CUL4A: variants seen among roughly 807,000 people sequenced by gnomAD.
CUL4A encodes the protein cullin-4A.
A neutral mutation model predicts 95.5 loss-of-function variants in CUL4A; 16 were observed. That is an observed-to-expected ratio of 0.17 (90% CI 0.11 to 0.25). The LOEUF is 0.25. Ranked by LOEUF, CUL4A falls within the 10% of genes least tolerant of loss-of-function variation. The pLI is 1.00. For synonymous variants in CUL4A, 380 were observed against 353.1 expected (o/e 1.08, Z -0.85); for missense variants, 610 against 937.0 (o/e 0.65, Z 4.56).
At chr13:113,237,430 G>A (rs1050408538) in intron 9 of CUL4A, among the ~76,000 whole-genome samples, 1 of 152,206 alleles carries the variant, frequency 6.6e-6, no homozygotes, top group African/African-American at 2.4e-5. Context: ...CGGCCTTCAC[G>A]TCCGCTTCTC....
At chr13:113,221,552 T>G (rs1215157323) in intron 3 of CUL4A, among the ~76,000 whole-genome samples, 1 of 151,950 alleles carries the variant, frequency 6.6e-6, no homozygotes, top group Non-Finnish European at 1.5e-5. Flanking sequence ...TGATAAGGGT[T>G]TTTTTTGTTT....
At chr13:113,256,994 C>T (rs117559994) in intron 18 of CUL4A, among the ~76,000 whole-genome samples, 1,514 of 119,618 alleles carry the variant, frequency 0.013, 11 homozygotes, top group Non-Finnish European at 0.015. Context: ...GGTACAATCT[C>T]GCTCACTGCA....
upstream of CUL4A, chr13:113,208,902 G>A: frequency 7.2e-7 from 1 of 1,382,192 alleles, no homozygotes; most frequent in East Asian, 2.9e-5. Context: ...GAGGGGTTTG[G>A]GGTCCAGTGG....
At chr13:113,221,983 A>G (rs976516259) in intron 3 of CUL4A, among the ~76,000 whole-genome samples, 2 of 152,232 alleles carry the variant, frequency 1.3e-5, no homozygotes, top group Admixed American at 6.5e-5. Flanking sequence ...TGTCTGGGCC[A>G]TGTCCTAAAG....
At chr13:113,240,312 A>C (rs1359965089) in intron 10 of CUL4A, among the ~76,000 whole-genome samples, 1 of 152,198 alleles carries the variant, frequency 6.6e-6, no homozygotes, top group African/African-American at 2.4e-5. Context: ...CTCACCACAA[A>C]GAATCACCTG....
chr13:113,208,501 C>A (rs2040124718), upstream of CUL4A: 9 of 1,547,938 alleles, frequency 5.8e-6, no homozygotes, highest in Admixed American at 9.7e-5. Flanking sequence ...GGTGGCGAGG[C>A]GGGAAAGGAA....
intron 2 of CUL4A, among the ~76,000 whole-genome samples, chr13:113,217,313 G>A (rs2040730295): frequency 1.3e-5 from 2 of 152,124 alleles, no homozygotes; most frequent in Non-Finnish European, 2.9e-5. Flanking sequence ...ATGAAGATAT[G>A]GAATTCAAAG....
chr13:113,253,170 C>A lies in CUL4A; in HGVS notation c.1727C>A (p.Ala576Asp). The change falls in exon 16 of 20, where the codon GCT (alanine) becomes GAT (aspartate). Residue 576 changes from alanine (A) to aspartate (D), a missense_variant. Physicochemically the swap from Ala to Asp is moderately radical, Grantham distance 126 (BLOSUM62 -2). Coordinates refer to ENST00000375440, the MANE Select transcript of CUL4A (RefSeq NM_001008895.4). ...KLQWQTTLGH[A>D]VLKAEFKEGK... ...CAGTGGCAAACTACTTTGGGACATGCTGTTTTAAAAGCGGAGTTTAAAGAA... is the reference window on the plus strand; with the variant it reads ...CAGTGGCAAACTACTTTGGGACATGATGTTTTAAAAGCGGAGTTTAAAGAA... 1 of 1,594,304 alleles carries A rather than the reference C, an allele frequency of 6.3e-7. No homozygotes were observed. The highest frequency in any genetic ancestry group is 8.6e-7 in the Non-Finnish European group (1 of 1,168,734).
Position 113,250,580 on chromosome 13 carries a change from A to G in CUL4A, c.1639-2502A>G, listed in dbSNP as rs956620001. 1.2e-4 allele frequency among the ~76,000 whole-genome samples: 19 copies of G among 152,196 alleles called. No individual in the cohort carries two copies. In the East Asian group the frequency reaches 3.1e-3, roughly 25 times the overall value. On this transcript the variant is annotated intron_variant, in intron 15 of 19. Coordinates refer to ENST00000375440, the MANE Select transcript of CUL4A (RefSeq NM_001008895.4). Reference sequence around the variant, plus strand: ...GTAGCTAGCACATAGTACCCAAACGATAGCATTATGATGATAATTATCCTC... The same window carrying G: ...GTAGCTAGCACATAGTACCCAAACGGTAGCATTATGATGATAATTATCCTC...
intron 8 of CUL4A, among the ~76,000 whole-genome samples, chr13:113,236,467 G>A (rs2041547931): frequency 6.6e-6 from 1 of 152,178 alleles, no homozygotes; most frequent in Non-Finnish European, 1.5e-5. Context: ...CGGAATGTCG[G>A]CTCTGCCCTT....
At chr13:113,218,003 G>C (rs564584971) in intron 2 of CUL4A, among the ~76,000 whole-genome samples, 1 of 152,232 alleles carries the variant, frequency 6.6e-6, no homozygotes, top group Non-Finnish European at 1.5e-5. Flanking sequence ...GTGGGAGGCC[G>C]AGGCGGACAA....
intron 18 of CUL4A, among the ~76,000 whole-genome samples, chr13:113,258,925 C>A (rs987546449): frequency 6.6e-6 from 1 of 152,154 alleles, no homozygotes; most frequent in African/African-American, 2.4e-5. Flanking sequence ...GAAGATGGCT[C>A]AGATCCATGA....
chr13:113,208,829 G>A, upstream of CUL4A: 1 of 1,409,626 alleles, frequency 7.1e-7, no homozygotes, highest in Non-Finnish European at 9.2e-7. Context: ...CTTTCTGCCG[G>A]GGCCCCGTCC....
intron 8 of CUL4A, among the ~76,000 whole-genome samples, 181 bp from the exon 9 acceptor site, chr13:113,236,642 T>C (rs933609231): frequency 6.6e-6 from 1 of 152,188 alleles, no homozygotes; most frequent in Non-Finnish European, 1.5e-5. Context: ...TAGAAAGGGC[T>C]TCCTTCAGCG....
chr13:113,250,114 T>C (rs1268595825), intron 15 of CUL4A, among the ~76,000 whole-genome samples: 1 of 152,220 alleles, frequency 6.6e-6, no homozygotes, highest in Non-Finnish European at 1.5e-5. Flanking sequence ...TATTTTCTCT[T>C]TTGTAACTTT....
chr13:113,214,745 T>C (rs1160200572), intron 2 of CUL4A, among the ~76,000 whole-genome samples: 1 of 152,132 alleles, frequency 6.6e-6, no homozygotes, highest in African/African-American at 2.4e-5. Flanking sequence ...TAATGGTCAG[T>C]GAAAGAGAGA....
intron 8 of CUL4A, among the ~76,000 whole-genome samples, chr13:113,235,653 A>G (rs1472664081): frequency 6.6e-6 from 1 of 152,142 alleles, no homozygotes; most frequent in African/African-American, 2.4e-5. Flanking sequence ...GGCAGAGGGG[A>G]CAGCAAGGGA....
chr13:113,209,950 C>T (rs758558442), intron 1 of CUL4A, 23 bp from the exon 2 acceptor site: 1,370 of 1,479,174 alleles, frequency 9.3e-4, no homozygotes, highest in Middle Eastern at 3.8e-3. Context: ...CCCTGAGCCG[C>T]CCGCTCTCCC....
chr13:113,242,320 A>T (rs1248978840), intron 10 of CUL4A, among the ~76,000 whole-genome samples: 1 of 152,144 alleles, frequency 6.6e-6, no homozygotes, highest in Non-Finnish European at 1.5e-5. Flanking sequence ...GTTAGAAGTG[A>T]TGGAGAAGGA....
Sources: allele counts gnomAD v4.1 joint callset (sites outside exome capture counted in the v4.1 genomes callset), GRCh38; gene constraint gnomAD v4.1.1; transcripts MANE v1.5; gene names NCBI Gene and HGNC (gene_info 2026-07-23, HGNC 2026-07-21).